Variants in LRCH1 observed in about 807,000 individuals in gnomAD.
The protein encoded by LRCH1 is leucine rich repeats and calponin homology domain containing 1.
A neutral mutation model predicts 94.9 loss-of-function variants in LRCH1; 23 were observed. The ratio of observed to expected loss-of-function variants is 0.24; its 90% CI spans 0.17 to 0.34. LRCH1 has a LOEUF of 0.34. LRCH1 is among the 10% of genes least tolerant of loss of function. The pLI is 1.00. For missense variants in LRCH1, 790 were observed against 945.9 expected (o/e 0.84, Z 2.16); for synonymous variants, 364 against 354.9 (o/e 1.03, Z -0.29).
intron 1 of LRCH1, among the ~76,000 whole-genome samples, chr13:46,603,614 CA>C (rs1289982683): frequency 6.6e-6 from 1 of 152,188 alleles, no homozygotes; most frequent in East Asian, 1.9e-4. Flanking sequence ...TAGTTTTAAA[CA>C]TGCTGTTTAA....
intron 3 of LRCH1, among the ~76,000 whole-genome samples, chr13:46,671,642 G>T (rs1464957360): frequency 1.3e-5 from 2 of 152,224 alleles, no homozygotes; most frequent in Non-Finnish European, 2.9e-5. Context: ...ACGGTCATAT[G>T]CTGCTGCTTT....
intron 16 of LRCH1, chr13:46,717,346 T>C (rs1872373171): frequency 6.6e-6 from 1 of 152,246 alleles, no homozygotes; most frequent in Admixed American, 6.5e-5. Context: ...ATTTTTTCTA[T>C]GAGTAAAAAT....
intron 2 of LRCH1, among the ~76,000 whole-genome samples, chr13:46,660,929 C>T (rs576010515): frequency 2.5e-4 from 38 of 152,260 alleles, no homozygotes; most frequent in Admixed American, 9.2e-4. Flanking sequence ...TCTTCTTTTC[C>T]AAATTAGTAT....
At chr13:46,571,036 T>C (rs1594251504) in intron 1 of LRCH1, among the ~76,000 whole-genome samples, 3 of 152,234 alleles carry the variant, frequency 2.0e-5, no homozygotes, top group African/African-American at 7.2e-5. Context: ...GGCCTCTCCA[T>C]TGGTGGATTT....
chr13:46,728,901 A>G lies in LRCH1; in HGVS notation c.1924A>G (p.Met642Val). The G allele has an allele frequency of 6.2e-7, 1 of 1,613,698 alleles. No individual in the cohort carries two copies. The highest frequency in any genetic ancestry group is 2.2e-5 in the East Asian group (1 of 44,876). The change falls in exon 18 of 20, where the codon ATG becomes GTG. Residue 642 changes from methionine (M) to valine (V), a missense_variant. Transcript: ENST00000389797. ...SLHEDLGAAL[M>V]DGVVLCHLVN... ...ACACGAAGACCTGGGGGCAGCCCTC[A>G]TGGATGGTGTCGTCCTCTGCCATCT...
At chr13:46,669,516 C>G (rs2051569028) in intron 3 of LRCH1, among the ~76,000 whole-genome samples, 1 of 152,158 alleles carries the variant, frequency 6.6e-6, no homozygotes, top group African/African-American at 2.4e-5. Flanking sequence ...GTAGGCCACA[C>G]TTCATGAAGG....
intron 8 of LRCH1, among the ~76,000 whole-genome samples, chr13:46,693,069 T>C (rs1019965451): frequency 6.6e-6 from 1 of 151,818 alleles, no homozygotes; most frequent in Non-Finnish European, 1.5e-5. Context: ...CCTCCTGGGT[T>C]CAAGGGGTTC....
chr13:46,650,565 T>C (rs1461788138), intron 2 of LRCH1, among the ~76,000 whole-genome samples: 1 of 61,840 alleles, frequency 1.6e-5, no homozygotes, highest in Non-Finnish European at 3.6e-5. Flanking sequence ...ACAAGGTTTT[T>C]TTTTAAAAAA....
chr13:46,746,019 C>CGGGGCA, downstream of LRCH1, among the ~76,000 whole-genome samples: 1 of 152,230 alleles, frequency 6.6e-6, no homozygotes, highest in African/African-American at 2.4e-5. Flanking sequence ...CCAGGGGCCA[C>CGGGGCA]GGGACCTCTT....
chr13:46,745,652 A>G (rs1225276014), downstream of LRCH1, among the ~76,000 whole-genome samples: 4 of 152,214 alleles, frequency 2.6e-5, no homozygotes, highest in Admixed American at 2.6e-4. Context: ...TTCACATTGA[A>G]GAAACTGATG....
intron 1 of LRCH1, among the ~76,000 whole-genome samples, chr13:46,595,438 G>A (rs1368611331): frequency 6.6e-6 from 1 of 152,180 alleles, no homozygotes; most frequent in Admixed American, 6.5e-5. Context: ...GACTGGGTAG[G>A]AAAGCAGGCA....
In LRCH1 at chr13:46,742,423, G is replaced by C; in HGVS notation, c.*575G>C. 1 of 987,080 alleles carries C rather than the reference G, an allele frequency of 1.0e-6. No individual in the cohort carries two copies. Among genetic ancestry groups the C allele is most frequent in the Non-Finnish European group, 1.2e-6 (1 of 831,132 alleles). The allele number at this position is 987,080 out of a possible 1,614,324, so 61.1% of individuals were successfully genotyped here. A position where few individuals can be genotyped will look rare whatever the true frequency, so the allele number is the denominator to read the frequency against. Reference sequence around the variant, plus strand: ...ACTCACACTGCCTTGATGGCCATTCGATTGGATTCCTCCCAAATTTCCTAA... The same window carrying C: ...ACTCACACTGCCTTGATGGCCATTCCATTGGATTCCTCCCAAATTTCCTAA... On this transcript the variant is annotated 3_prime_UTR_variant, in exon 20 of 20. Transcript: ENST00000389797.
At chr13:46,750,825 T>C in exon 19 of LRCH1, 3 of 494,384 alleles carry the variant, frequency 6.1e-6, no homozygotes, top group Admixed American at 3.8e-5. Context: ...AGAGCTGACC[T>C]CCGACTTTAA....
At chr13:46,671,851 A>G (rs187250232) in intron 3 of LRCH1, among the ~76,000 whole-genome samples, 17 of 152,272 alleles carry the variant, frequency 1.1e-4, no homozygotes, top group Admixed American at 9.8e-4. Context: ...CACATGCACA[A>G]TCTCTCTGTC....
intron 1 of LRCH1, among the ~76,000 whole-genome samples, chr13:46,646,601 T>C (rs1220810114): frequency 6.6e-6 from 1 of 152,246 alleles, no homozygotes; most frequent in Non-Finnish European, 1.5e-5. Context: ...TTGTTTTGTA[T>C]CAGCACATAT....
intron 1 of LRCH1, among the ~76,000 whole-genome samples, chr13:46,563,533 C>G (rs1366830051): frequency 6.6e-6 from 1 of 152,192 alleles, no homozygotes; most frequent in African/African-American, 2.4e-5. Flanking sequence ...GTAGAGTTGT[C>G]ATGAGGACAT....
chr13:46,578,172 C>T (rs751013434), intron 1 of LRCH1, among the ~76,000 whole-genome samples: 13 of 152,176 alleles, frequency 8.5e-5, no homozygotes, highest in Admixed American at 5.2e-4. Context: ...CTCCTGGCTG[C>T]GGTTAGCTTT....
chr13:46,734,255 TG>T (rs969196503), intron 19 of LRCH1, among the ~76,000 whole-genome samples: 6 of 152,328 alleles, frequency 3.9e-5, no homozygotes, highest in African/African-American at 1.4e-4. Flanking sequence ...ATTTCAGACT[TG>T]AAAAAAAATT....
chr13:46,658,670 G>A (rs1165827475), intron 2 of LRCH1, among the ~76,000 whole-genome samples: 1 of 151,996 alleles, frequency 6.6e-6, no homozygotes. Context: ...TTATAGAGAT[G>A]GAGTCTCGCT....
Sources: allele counts gnomAD v4.1 joint callset (sites outside exome capture counted in the v4.1 genomes callset), GRCh38; gene constraint gnomAD v4.1.1; transcripts MANE v1.5; gene names NCBI Gene and HGNC (gene_info 2026-07-23, HGNC 2026-07-21).